The following RYR3 variants were observed in gnomAD, a reference collection of about 807,000 sequenced individuals.
RYR3 encodes brain ryanodine receptor-calcium release channel.
Under a neutral mutation model 584.3 loss-of-function variants are expected in RYR3, and 207 were observed. The observed-to-expected ratio is 0.35, with a 90% CI of 0.32 to 0.40. The LOEUF (loss-of-function observed/expected upper bound fraction) is 0.40. RYR3 is among the 10% of genes least tolerant of loss of function. The pLI is 1.00. For synonymous variants in RYR3, 2,416 were observed against 2,248.5 expected (o/e 1.07, Z -2.11); for missense variants, 5,616 against 6,089.2 (o/e 0.92, Z 2.59).
chr15:33,512,452 T>G (rs1384470880), intron 3 of RYR3, among the ~76,000 whole-genome samples: 2 of 152,348 alleles, frequency 1.3e-5, no homozygotes, highest in Middle Eastern at 3.4e-3. Context: ...GAATAGATTT[T>G]TAAAGCTCCA....
chr15:33,341,552 T>A (rs958255209), intron 1 of RYR3, among the ~76,000 whole-genome samples: 3 of 152,204 alleles, frequency 2.0e-5, no homozygotes, highest in African/African-American at 7.2e-5. Context: ...GAAATAGATC[T>A]GAGTGGCTGT....
At chr15:33,652,566 A>T (rs1013150560) in intron 31 of RYR3, among the ~76,000 whole-genome samples, 152 bp from the exon 32 acceptor site, 4 of 152,170 alleles carry the variant, frequency 2.6e-5, no homozygotes, top group Admixed American at 2.0e-4. Context: ...AAGCTAAATA[A>T]ACTCATTTAA....
chr15:33,447,726 C>T lies in RYR3; in HGVS notation c.52-25693C>T, dbSNP rs553807087. 1.5e-3 allele frequency among the ~76,000 whole-genome samples: 227 copies of T among 152,252 alleles called. 1 individual carries two copies. Among genetic ancestry groups the T allele is most frequent in the African/African-American group, 5.4e-3 (225 of 41,548 alleles). Reference sequence around the variant, plus strand: ...TGACATCTGACACATTTCAAGGGCTCAATAGCCACACATGACTAGTGGCCA... The same window carrying T: ...TGACATCTGACACATTTCAAGGGCTTAATAGCCACACATGACTAGTGGCCA... On this transcript the variant is annotated intron_variant, in intron 1 of 103. Coordinates refer to ENST00000634891, the MANE Select transcript of RYR3 (RefSeq NM_001036.6).
chr15:33,319,736 C>A (rs1234772751), intron 1 of RYR3, among the ~76,000 whole-genome samples: 1 of 152,136 alleles, frequency 6.6e-6, no homozygotes. Flanking sequence ...TCAGAGATGT[C>A]CTGAAGAAAC....
chr15:33,546,180 T>TTCACAAATCCTTCAGATG (rs1461491438), intron 8 of RYR3, among the ~76,000 whole-genome samples: 1 of 152,180 alleles, frequency 6.6e-6, no homozygotes, highest in Admixed American at 6.5e-5. Flanking sequence ...AGAACAAACC[T>TTCACAAATCCTTCAGATG]TCACAAATCC....
At chr15:33,748,428 A>G in intron 54 of RYR3, 40 bp from the exon 55 acceptor site, 1 of 1,601,512 alleles carries the variant, frequency 6.2e-7, no homozygotes, top group Non-Finnish European at 8.5e-7. Flanking sequence ...AGAACAAGGA[A>G]AATAATGGCA....
At chr15:33,814,984 C>T (rs997514226) in intron 74 of RYR3, among the ~76,000 whole-genome samples, 7 of 148,318 alleles carry the variant, frequency 4.7e-5, no homozygotes, top group South Asian at 4.3e-4. Context: ...GCAGGAGAAT[C>T]GCTTGAACCT....
chr15:33,408,847 A>G (rs1283122075), intron 1 of RYR3, among the ~76,000 whole-genome samples: 3 of 152,184 alleles, frequency 2.0e-5, no homozygotes, highest in African/African-American at 7.2e-5. Flanking sequence ...TTTGGGTCTC[A>G]ACTTCAGTTG....
chr15:33,364,150 G>A (rs1412561769), intron 1 of RYR3, among the ~76,000 whole-genome samples: 1 of 152,154 alleles, frequency 6.6e-6, no homozygotes, highest in Non-Finnish European at 1.5e-5. Context: ...ATTGTGCTAA[G>A]TAAAATGTTT....
intron 35 of RYR3, 72 bp from the exon 36 acceptor site, chr15:33,663,465 T>G: frequency 7.6e-7 from 1 of 1,308,172 alleles, no homozygotes; most frequent in Non-Finnish European, 1.1e-6. Flanking sequence ...AGTGCTACTG[T>G]CTGTAAAATG....
At position 33,818,613 on chromosome 15, in the gene RYR3, G is replaced by C; in HGVS notation, c.10635G>C (p.Glu3545Asp). The change falls in exon 76 of 104, where the codon GAG (glutamate) becomes GAC (aspartate). Residue 3545 changes from glutamate (E) to aspartate (D), a missense_variant. Physicochemically the swap from Glu to Asp is conservative, Grantham distance 45. Transcript: ENST00000634891. ...SPKVEEEEEE[E>D]TEKQPDPLHQ... is the part of the protein sequence containing the mutation. ...AGGTGGAAGAGGAGGAGGAGGAAGA[G>C]ACAGAAAAACAACCTGACCCACTAC... 1 of 1,613,898 alleles carries C rather than the reference G, an allele frequency of 6.2e-7. No homozygotes were observed. The highest frequency in any genetic ancestry group is 8.5e-7 in the Non-Finnish European group (1 of 1,179,838).
Position 33,843,377 on chromosome 15 carries a change from T to G in RYR3, c.13210-111T>G, listed in dbSNP as rs555205932. On this transcript the variant is annotated intron_variant, in intron 91 of 103. Transcript: ENST00000634891. ...CCCTAGAAGAGTGGTCATCAAAGAG[T>G]AGGACGAGTCAAGTGTGAACTTCTA... is the stretch of plus-strand genomic sequence containing the variant. 6.2e-4 allele frequency: 431 copies of G among 699,982 alleles called. 1 individual carries two copies. Among genetic ancestry groups the G allele is most frequent in the Middle Eastern group, 1.4e-3 (6 of 4,160 alleles). 43.4% of individuals were successfully genotyped at this position (699,982 alleles called of 1,614,324 possible).
At chr15:33,607,556 A>C (rs1001194419) in intron 18 of RYR3, among the ~76,000 whole-genome samples, 1 of 152,200 alleles carries the variant, frequency 6.6e-6, no homozygotes, top group East Asian at 1.9e-4. Flanking sequence ...TTGATTTTTC[A>C]TTCCATAGTG....
chr15:33,397,614 G>A (rs1339465066), intron 1 of RYR3, among the ~76,000 whole-genome samples: 3 of 152,220 alleles, frequency 2.0e-5, no homozygotes, highest in South Asian at 2.1e-4. Flanking sequence ...TCTGTGAGCT[G>A]GATGAGCTGT....
intron 1 of RYR3, among the ~76,000 whole-genome samples, chr15:33,436,451 C>T (rs1273765938): frequency 6.6e-6 from 1 of 151,754 alleles, no homozygotes; most frequent in African/African-American, 2.4e-5. Context: ...GAAGATCTTC[C>T]AGTTTGTGGC....
intron 1 of RYR3, among the ~76,000 whole-genome samples, chr15:33,432,323 A>G (rs1423623084): frequency 1.3e-5 from 2 of 152,122 alleles, no homozygotes; most frequent in East Asian, 3.9e-4. Context: ...AACACAAAGG[A>G]TGTTACTGAA....
rs139016730 is a variant in RYR3 at position 33,659,349 on chromosome 15, T to C, written c.4309-371T>C. On this transcript the variant is annotated intron_variant, in intron 32 of 103. Transcript: ENST00000634891. Reference sequence around the variant, plus strand: ...TGATGGTGCTGCCATGTGCCACGTGTCTTTGGGCTCTGTGAAGAGCAAGCA... The same window carrying C: ...TGATGGTGCTGCCATGTGCCACGTGCCTTTGGGCTCTGTGAAGAGCAAGCA... Among the ~76,000 whole-genome samples, 144 of 152,318 alleles carry C rather than the reference T, an allele frequency of 9.5e-4. 1 individual carries two copies. The highest frequency in any genetic ancestry group is 3.4e-3 in the African/African-American group (142 of 41,566).
intron 64 of RYR3, among the ~76,000 whole-genome samples, chr15:33,776,169 T>G (rs2073980916): frequency 1.3e-5 from 2 of 152,160 alleles, no homozygotes; most frequent in Non-Finnish European, 2.9e-5. Context: ...GTATGCTTTG[T>G]AGATAGAAAT....
chr15:33,767,635 A>T (rs1317210411), intron 60 of RYR3, among the ~76,000 whole-genome samples: 2 of 152,150 alleles, frequency 1.3e-5, no homozygotes, highest in Non-Finnish European at 2.9e-5. Context: ...TGGGGTAAGG[A>T]GCTCCGTGAT....
Sources: allele counts gnomAD v4.1 joint callset (sites outside exome capture counted in the v4.1 genomes callset), GRCh38; gene constraint gnomAD v4.1.1; transcripts MANE v1.5; gene names NCBI Gene and HGNC (gene_info 2026-07-23, HGNC 2026-07-21).